ONECUT2: variants seen among roughly 807,000 people sequenced by gnomAD.
The protein encoded by ONECUT2 is one cut domain family member 2.
ONECUT2 carries 10 observed loss-of-function variants against 27.9 expected under a neutral mutation model. That is an observed-to-expected ratio of 0.36 (90% CI 0.22 to 0.61). ONECUT2 has a LOEUF of 0.61. Among genes scored for constraint, ONECUT2 ranks in the 20% least tolerant of loss-of-function variants. The probability of loss-of-function intolerance (pLI) is 0.73; values close to 1 mark genes in which losing one functional copy is unlikely to be tolerated. For missense variants in ONECUT2, 686 were observed against 721.0 expected (o/e 0.95, Z 0.56); for synonymous variants, 334 against 315.1 (o/e 1.06, Z -0.64).
intron 1 of ONECUT2, among the ~76,000 whole-genome samples, chr18:57,456,216 C>T (rs2050258492): frequency 6.6e-6 from 1 of 152,178 alleles, no homozygotes; most frequent in Non-Finnish European, 1.5e-5. Flanking sequence ...TCACATGACC[C>T]AGAAATACCA....
chr18:57,439,254 G>A (rs1307832481), intron 1 of ONECUT2, among the ~76,000 whole-genome samples: 1 of 152,350 alleles, frequency 6.6e-6, no homozygotes, highest in East Asian at 1.9e-4. Context: ...CGCCCATGGT[G>A]CAAGTCTGCA....
At chr18:57,454,920 C>T (rs2050250520) in intron 1 of ONECUT2, among the ~76,000 whole-genome samples, 1 of 152,150 alleles carries the variant, frequency 6.6e-6, no homozygotes, top group Non-Finnish European at 1.5e-5. Context: ...GTCCATTTTG[C>T]AAGTGTGGTA....
At position 57,435,755 on chromosome 18, in the gene ONECUT2, A is replaced by G; in HGVS notation, c.39A>G (p.Lys13=). Residue 13 remains lysine (K), a synonymous_variant, in exon 1 of 2, where the codon AAA becomes AAG. Transcript: ENST00000491143. ...ACACCGCCTATCGATGCCTCACCAA[A>G]GACCTAGAAGGCTGCGCCATGAACC... The part of the protein sequence containing the change: ...AAYTAYRCLT[K]DLEGCAMNPE... 1 of 1,266,798 alleles carries G rather than the reference A, an allele frequency of 7.9e-7. No individual in the cohort carries two copies. Among genetic ancestry groups the G allele is most frequent in the Non-Finnish European group, 1.0e-6 (1 of 971,706 alleles). The allele number at this position is 1,266,798 out of a possible 1,614,324, so 78.5% of individuals were successfully genotyped here.
At chr18:57,459,435 C>T (rs1356648613) in intron 1 of ONECUT2, among the ~76,000 whole-genome samples, 1 of 152,120 alleles carries the variant, frequency 6.6e-6, no homozygotes, top group Non-Finnish European at 1.5e-5. Flanking sequence ...GTATATAAAG[C>T]AAACATTAAT....
At chr18:57,443,996 C>T (rs562657845) in intron 1 of ONECUT2, among the ~76,000 whole-genome samples, 1 of 152,282 alleles carries the variant, frequency 6.6e-6, no homozygotes, top group African/African-American at 2.4e-5. Flanking sequence ...TATACTTTCT[C>T]CTGCAAGAAG....
At chr18:57,452,645 G>C (rs1274190010) in intron 1 of ONECUT2, among the ~76,000 whole-genome samples, 1 of 152,104 alleles carries the variant, frequency 6.6e-6, no homozygotes, top group Admixed American at 6.5e-5. Flanking sequence ...GGCTGGTCTC[G>C]AACTCCTGAC....
intron 1 of ONECUT2, chr18:57,467,352 T>TTTTG (rs1235257362): frequency 3.7e-6 from 1 of 273,172 alleles, no homozygotes; most frequent in African/African-American, 2.6e-5. Context: ...TTGGTTTTTT[T>TTTTG]TTTGTTTGTT....
chr18:57,490,785 A>G lies in ONECUT2; in HGVS notation c.*14062A>G, dbSNP rs1428193156. The G allele has an allele frequency of 6.6e-6, 1 of 152,388 alleles. No homozygotes were observed. Among genetic ancestry groups the G allele is most frequent in the Non-Finnish European group, 1.5e-5 (1 of 68,026 alleles). The allele number at this position is 152,388 out of a possible 1,614,324, so 9.4% of individuals were successfully genotyped here. Reference sequence around the variant, plus strand: ...TATTGCCAAGAAAATCGTAGGGAAAAACTTTAAACTTTTCTTTTCAGTTGA... The same window carrying G: ...TATTGCCAAGAAAATCGTAGGGAAAGACTTTAAACTTTTCTTTTCAGTTGA... On this transcript the variant is annotated 3_prime_UTR_variant, in exon 2 of 2. Coordinates refer to ENST00000491143, the MANE Select transcript of ONECUT2 (RefSeq NM_004852.3).
intron 1 of ONECUT2, chr18:57,467,020 G>A (rs1320504710): frequency 1.6e-5 from 6 of 365,460 alleles, no homozygotes; most frequent in Admixed American, 6.7e-5. Context: ...CCCACCAGGG[G>A]CACTCTGGGC....
At position 57,435,734 on chromosome 18, in the gene ONECUT2, C is replaced by T. The variant is rs1215033460; in HGVS notation, c.18C>T (p.Thr6=). Residue 6 remains threonine (T), a synonymous_variant, in exon 1 of 2, where the codon ACC becomes ACT. Coordinates refer to ENST00000491143, the MANE Select transcript of ONECUT2 (RefSeq NM_004852.3). MKAAY[T]AYRCLTKDLE... ...TGGACTGAATGAAGGCTGCCTACACCGCCTATCGATGCCTCACCAAAGACC... is the reference window on the plus strand; with the variant it reads ...TGGACTGAATGAAGGCTGCCTACACTGCCTATCGATGCCTCACCAAAGACC... 1.3e-5 allele frequency: 16 copies of T among 1,261,706 alleles called. No homozygotes were observed. The highest frequency in any genetic ancestry group is 1.7e-5 in the Non-Finnish European group (16 of 969,158). 78.2% of individuals were successfully genotyped at this position (1,261,706 alleles called of 1,614,324 possible). A position where few individuals can be genotyped will look rare whatever the true frequency, so the allele number is the denominator to read the frequency against.
At chr18:57,439,999 C>A (rs538464794) in intron 1 of ONECUT2, among the ~76,000 whole-genome samples, 20 of 152,318 alleles carry the variant, frequency 1.3e-4, no homozygotes, top group Non-Finnish European at 2.6e-4. Context: ...TCCTGCCCAG[C>A]CTGCCGGTGT....
chr18:57,442,022 C>A (rs1057118385), intron 1 of ONECUT2, among the ~76,000 whole-genome samples: 1 of 151,900 alleles, frequency 6.6e-6, no homozygotes, highest in Non-Finnish European at 1.5e-5. Context: ...TGGCCCATCG[C>A]GGGTAAGGAG....
intron 1 of ONECUT2, among the ~76,000 whole-genome samples, chr18:57,455,849 A>G (rs1598936041): frequency 6.6e-6 from 1 of 152,178 alleles, no homozygotes; most frequent in South Asian, 2.1e-4. Flanking sequence ...TCACTTTAAC[A>G]TCTTCTAGAA....
rs145166240 is a variant in ONECUT2, at chr18:57,451,824, G to A, written c.1228+14880G>A. On this transcript the variant is annotated intron_variant, in intron 1 of 1. Transcript: ENST00000491143. Reference sequence around the variant, plus strand: ...CACCCCTGGAAAGCAAGAGGTGAAAGCAAGTTGGTTCCATTGGTGAAAGCA... The same window carrying A: ...CACCCCTGGAAAGCAAGAGGTGAAAACAAGTTGGTTCCATTGGTGAAAGCA... Among the ~76,000 whole-genome samples, 227 of 152,308 alleles carry A rather than the reference G, an allele frequency of 1.5e-3. 1 individual carries two copies. The highest frequency in any genetic ancestry group is 5.1e-3 in the African/African-American group (212 of 41,560).
At position 57,436,103 on chromosome 18, in the gene ONECUT2, C is replaced by T. The variant is rs781755116; in HGVS notation, c.387C>T (p.His129=). Residue 129 remains histidine (H), a synonymous_variant, in exon 1 of 2, where the codon CAC becomes CAT. Transcript: ENST00000491143. The surrounding 1 kb of genome is among the most constrained non-coding windows in gnomAD (Gnocchi z 5.9). The part of the protein sequence containing the change: ...YRPELSIPLH[H]AMSMSCDSSP... ...CCGAGCTCTCCATCCCGCTGCACCA[C>T]GCCATGAGCATGTCCTGCGACTCGT... 16 of 1,600,470 alleles carry T rather than the reference C, an allele frequency of 1.0e-5. No individual in the cohort carries two copies. The Middle Eastern group carries it at 9.9e-4, about 99-fold the overall frequency.
At position 57,477,682 on chromosome 18, in the gene ONECUT2, C is replaced by G. The variant is rs146220894; in HGVS notation, c.*959C>G. On this transcript the variant is annotated 3_prime_UTR_variant, in exon 2 of 2. Coordinates refer to ENST00000491143, the MANE Select transcript of ONECUT2 (RefSeq NM_004852.3). ...GAGGCCAATTTAACTGTTAACAGTG[C>G]ATGGAGCGAATGCAGCATTTTAAAA... The G allele has an allele frequency of 6.6e-6, 1 of 152,670 alleles. No homozygotes were observed. Among genetic ancestry groups the G allele is most frequent in the Non-Finnish European group, 1.5e-5 (1 of 68,052 alleles). 9.5% of individuals were successfully genotyped at this position (152,670 alleles called of 1,614,324 possible).
chr18:57,474,217 G>A (rs1321273646), intron 1 of ONECUT2, among the ~76,000 whole-genome samples: 2 of 152,138 alleles, frequency 1.3e-5, no homozygotes, highest in Non-Finnish European at 2.9e-5. Context: ...GAGAGTATCA[G>A]TGCATTTTGA....
In ONECUT2 at chr18:57,435,615, C is replaced by A; in HGVS notation, c.-102C>A. The A allele has an allele frequency of 1.0e-6, 1 of 967,942 alleles. No individual in the cohort carries two copies. The highest frequency in any genetic ancestry group is 1.2e-6 in the Non-Finnish European group (1 of 813,268). 60.0% of individuals were successfully genotyped at this position (967,942 alleles called of 1,614,324 possible). A position where few individuals can be genotyped will look rare whatever the true frequency, so the allele number is the denominator to read the frequency against. ...ACGCGCACTCCTCTCCACTCACTCC[C>A]GCGCCCGCCCCCACTCCCGCAGCCG... On this transcript the variant is annotated 5_prime_UTR_variant, in exon 1 of 2. Coordinates refer to ENST00000491143, the MANE Select transcript of ONECUT2 (RefSeq NM_004852.3).
At chr18:57,468,526 G>C (rs624686) in intron 1 of ONECUT2, among the ~76,000 whole-genome samples, 98,362 of 152,070 alleles carry the variant, frequency 0.65, 33,576 homozygotes, top group Middle Eastern at 0.81. Context: ...AAAATTTAGG[G>C]AGCACAAAAT....
Sources: gnomAD v4.1 joint callset for allele counts (sites outside exome capture counted in the v4.1 genomes callset) on GRCh38, gnomAD v4.1.1 for gene constraint, Gnocchi (gnomAD v3.1) non-coding constraint, MANE v1.5 for transcripts, NCBI Gene and HGNC (gene_info 2026-07-23, HGNC 2026-07-21) for gene names.